LPP: variants seen among roughly 807,000 people sequenced by gnomAD.
LPP encodes the protein LIM domain containing preferred translocation partner in lipoma.
LPP carries 38 observed loss-of-function variants against 60.4 expected under a neutral mutation model. The observed-to-expected ratio is 0.63, with a 90% CI of 0.49 to 0.83. The LOEUF is 0.83. Ranked by LOEUF, LPP falls within the 40% of genes least tolerant of loss-of-function variation. The pLI is 0.00. For synonymous variants in LPP, 328 were observed against 290.8 expected, an observed-to-expected ratio of 1.13 and a Z score of -1.30; for missense variants, 902 against 783.6, an observed-to-expected ratio of 1.15 and a Z score of -1.80.
intron 2 of LPP, among the ~76,000 whole-genome samples, chr3:188,266,105 A>G (rs183100919): frequency 6.6e-5 from 10 of 151,986 alleles, no homozygotes; most frequent in African/African-American, 2.2e-4. Flanking sequence ...TGAGCAGACC[A>G]TGTGTGTGTT....
rs368850004 is a variant in LPP, at chr3:188,664,470, A to C, written c.1114-43797A>C. 4.6e-5 allele frequency among the ~76,000 whole-genome samples: 7 copies of C among 152,344 alleles called. No individual in the cohort carries two copies. In the East Asian group the frequency reaches 1.4e-3, roughly 29 times the overall value. On this transcript the variant is annotated intron_variant, in intron 7 of 11. Coordinates refer to ENST00000617246, the MANE Select transcript of LPP (RefSeq NM_001375462.1). ...TTTTAATAAAACAACTGTGAAGTTC[A>C]AGTCCTGTGTATTCTAACACTTTGA...
At chr3:188,607,370 G>GATAGATATATATAT (rs1553941079) in intron 6 of LPP, among the ~76,000 whole-genome samples, 5 of 102,732 alleles carry the variant, frequency 4.9e-5, no homozygotes, top group African/African-American at 1.8e-4. Flanking sequence ...GAAAATAGAA[G>GATAGATATATATAT]ATATATATAT....
intron 2 of LPP, chr3:188,247,227 C>T (rs763505359): frequency 6.4e-6 from 6 of 941,808 alleles, no homozygotes; most frequent in East Asian, 1.2e-4. Flanking sequence ...GTACAACTCA[C>T]ACCCAAAGTC....
At chr3:188,474,592 G>A (rs1802709844) in intron 4 of LPP, among the ~76,000 whole-genome samples, 2 of 152,162 alleles carry the variant, frequency 1.3e-5, no homozygotes, top group Non-Finnish European at 2.9e-5. Flanking sequence ...CAATCCTAAG[G>A]GGAAAGGATG....
At chr3:188,309,482 A>T (rs1752700635) in intron 2 of LPP, among the ~76,000 whole-genome samples, 1 of 152,118 alleles carries the variant, frequency 6.6e-6, no homozygotes, top group South Asian at 2.1e-4. Flanking sequence ...GGACTGATTG[A>T]TGATCCCTGA....
chr3:188,325,086 T>C (rs1478846302), intron 2 of LPP, among the ~76,000 whole-genome samples: 1 of 152,120 alleles, frequency 6.6e-6, no homozygotes, highest in Non-Finnish European at 1.5e-5. Context: ...GTTCAAGCAA[T>C]TCTCCTGCCT....
At chr3:188,399,080 G>A (rs774713054) in intron 3 of LPP, among the ~76,000 whole-genome samples, 1 of 152,224 alleles carries the variant, frequency 6.6e-6, no homozygotes, top group African/African-American at 2.4e-5. Flanking sequence ...TGTGAGCAGA[G>A]TTGTCATTTG....
At chr3:188,478,645 AG>A (rs1407676989) in intron 4 of LPP, among the ~76,000 whole-genome samples, 1 of 152,150 alleles carries the variant, frequency 6.6e-6, no homozygotes, top group Non-Finnish European at 1.5e-5. Context: ...CCTGAAATAA[AG>A]GGTAGAGCTG....
intron 2 of LPP, among the ~76,000 whole-genome samples, chr3:188,282,043 CCTT>C (rs1742282420): frequency 6.6e-6 from 1 of 151,968 alleles, no homozygotes; most frequent in African/African-American, 2.4e-5. Flanking sequence ...TCTACCTTGT[CCTT>C]CTCCTCCCCT....
intron 4 of LPP, among the ~76,000 whole-genome samples, chr3:188,419,751 G>A (rs919519638): frequency 6.6e-5 from 10 of 152,114 alleles, no homozygotes; most frequent in African/African-American, 2.4e-4. Flanking sequence ...TTAGCCGGGC[G>A]TGGTGGCACA....
At chr3:188,846,640 C>T (rs915338030) in intron 9 of LPP, among the ~76,000 whole-genome samples, 5 of 142,778 alleles carry the variant, frequency 3.5e-5, no homozygotes, top group African/African-American at 1.1e-4. Flanking sequence ...GCCAAGATTG[C>T]ACCACTGCAC....
At chr3:188,532,270 C>T (rs1304742070) in intron 6 of LPP, among the ~76,000 whole-genome samples, 1 of 151,930 alleles carries the variant, frequency 6.6e-6, no homozygotes, top group Non-Finnish European at 1.5e-5. Context: ...AACAAACAAA[C>T]AAAACTTAGC....
intron 5 of LPP, among the ~76,000 whole-genome samples, chr3:188,491,602 T>C (rs1481408147): frequency 2.0e-5 from 3 of 152,104 alleles, no homozygotes; most frequent in African/African-American, 7.2e-5. Flanking sequence ...GCAGCTTGCT[T>C]TGCAATTATC....
chr3:188,765,591 A>G (rs1477865085), intron 9 of LPP, among the ~76,000 whole-genome samples: 1 of 152,214 alleles, frequency 6.6e-6, no homozygotes, highest in Non-Finnish European at 1.5e-5. Context: ...CTCATTTTAC[A>G]AATGTGGCTC....
At chr3:188,418,690 A>G (rs865849529) in intron 4 of LPP, among the ~76,000 whole-genome samples, 3 of 152,284 alleles carry the variant, frequency 2.0e-5, no homozygotes, top group Non-Finnish European at 2.9e-5. Flanking sequence ...CTTAAAATCA[A>G]TCTCCTGTGC....
At position 188,775,055 on chromosome 3, in the gene LPP, GT is replaced by G. The variant is rs58627957; in HGVS notation, c.1410+14789del. The stretch of plus-strand genomic sequence containing the variant: ...GTTATATAGAAACTACATGCTTAGT[GT>G]TTTTTTTTTTTTTTTAGACAGAGTC... On this transcript the variant is annotated intron_variant, in intron 9 of 11. Transcript: ENST00000617246. Among the ~76,000 whole-genome samples, 1,301 of 136,646 alleles carry G rather than the reference GT, an allele frequency of 9.5e-3. 11 individuals are homozygous for G. The highest frequency in any genetic ancestry group is 0.028 in the African/African-American group (1,033 of 36,920). The allele number at this position is 136,646 out of a possible 152,430, so 89.6% of individuals were successfully genotyped here. A position where few individuals can be genotyped will look rare whatever the true frequency, so the allele number is the denominator to read the frequency against.
chr3:188,460,433 TG>T (rs1176979282), intron 4 of LPP, among the ~76,000 whole-genome samples: 1 of 152,208 alleles, frequency 6.6e-6, no homozygotes, highest in Non-Finnish European at 1.5e-5. Flanking sequence ...CAGGAGAAGT[TG>T]GGACTTGAAA....
chr3:188,647,775 G>A (rs547103458), intron 7 of LPP, among the ~76,000 whole-genome samples: 1 of 152,294 alleles, frequency 6.6e-6, no homozygotes, highest in South Asian at 2.1e-4. Context: ...ATGTATCACA[G>A]CTGTCCTGAC....
At chr3:188,782,789 T>C (rs1740256048) in intron 9 of LPP, among the ~76,000 whole-genome samples, 1 of 151,680 alleles carries the variant, frequency 6.6e-6, no homozygotes, top group Non-Finnish European at 1.5e-5. Context: ...TTATAAGTTG[T>C]GACCAGCCTT....
Sources: allele counts gnomAD v4.1 joint callset (sites outside exome capture counted in the v4.1 genomes callset), GRCh38; gene constraint gnomAD v4.1.1; transcripts MANE v1.5; gene names NCBI Gene and HGNC (gene_info 2026-07-23, HGNC 2026-07-21).